NBAS: variants seen among roughly 807,000 people sequenced by gnomAD.
NBAS encodes NAG/BC035112 fusion.
In NBAS, 219 loss-of-function variants were observed where a neutral mutation model predicts 302.5. The ratio of observed to expected loss-of-function variants is 0.72; its 90% CI spans 0.65 to 0.81. The LOEUF (loss-of-function observed/expected upper bound fraction) is 0.81. NBAS is among the 30% of genes least tolerant of loss of function. The pLI, the probability that NBAS is intolerant of heterozygous loss-of-function variation, is 0.00. For synonymous variants in NBAS, 1,118 were observed against 1,021.6 expected, an observed-to-expected ratio of 1.09 and a Z score of -1.80; for missense variants, 2,932 against 2,841.6, an observed-to-expected ratio of 1.03 and a Z score of -0.72.
the NBAS span, among the ~76,000 whole-genome samples, chr2:15,015,099 G>C: frequency 7.0e-6 from 1 of 143,848 alleles, no homozygotes; most frequent in East Asian, 2.0e-4. Flanking sequence ...TAGAGAACTT[G>C]AAAAGATCAA....
the NBAS span, among the ~76,000 whole-genome samples, chr2:14,965,727 T>C: frequency 6.6e-6 from 1 of 151,934 alleles, no homozygotes. Context: ...CAGTATTTTC[T>C]AAAAGTATGA....
chr2:14,873,697 A>T, the NBAS span, among the ~76,000 whole-genome samples: 3 of 151,454 alleles, frequency 2.0e-5, no homozygotes, highest in Admixed American at 1.3e-4. Context: ...CAAAAAAAAA[A>T]AAAACCCACA....
At position 15,328,286 on chromosome 2, in the gene NBAS, T is replaced by G. The variant is rs1277963060; in HGVS notation, c.4374A>C (p.Gln1458His). Residue 1458 changes from glutamine (Q) to histidine (H), a missense_variant, in exon 37 of 52, where the codon CAA becomes CAC. Transcript: ENST00000281513. ...LQGQKCGGAYQIGTTANEDLE... is the reference protein window; with the variant it reads ...LQGQKCGGAYHIGTTANEDLE... ...GATCTTCATTGGCTGTAGTTCCGATTTGATATGCACCACCACATTTTTGCC... is the reference window on the plus strand; with the variant it reads ...GATCTTCATTGGCTGTAGTTCCGATGTGATATGCACCACCACATTTTTGCC... 2.5e-6 allele frequency: 4 copies of G among 1,613,952 alleles called. No individual in the cohort carries two copies. The East Asian group carries it at 8.9e-5, about 36-fold the overall frequency.
At chr2:14,816,069 C>T in the NBAS span, among the ~76,000 whole-genome samples, 1 of 152,182 alleles carries the variant, frequency 6.6e-6, no homozygotes, top group Non-Finnish European at 1.5e-5. Context: ...CAAAATGATT[C>T]TTCTAAAACT....
chr2:15,102,561 G>C, the NBAS span, among the ~76,000 whole-genome samples: 2 of 152,128 alleles, frequency 1.3e-5, no homozygotes, highest in African/African-American at 4.8e-5. Flanking sequence ...CTAAAGGCAG[G>C]CCTTTTATTC....
the NBAS span, among the ~76,000 whole-genome samples, chr2:14,948,254 C>CT: frequency 6.6e-6 from 1 of 151,940 alleles, no homozygotes; most frequent in Non-Finnish European, 1.5e-5. Context: ...TCTTTTCCAT[C>CT]TTTTTGTGGA....
At chr2:15,471,364 G>C (rs959720034) in intron 16 of NBAS, among the ~76,000 whole-genome samples, 1 of 152,098 alleles carries the variant, frequency 6.6e-6, no homozygotes, top group Non-Finnish European at 1.5e-5. Context: ...TTATCATCCT[G>C]TTTGGCTGAT....
the NBAS span, among the ~76,000 whole-genome samples, chr2:15,126,961 T>C: frequency 6.6e-6 from 1 of 152,170 alleles, no homozygotes; most frequent in African/African-American, 2.4e-5. Context: ...AACTGAGAAT[T>C]GACTGAGGTT....
intron 38 of NBAS, among the ~76,000 whole-genome samples, chr2:15,315,348 G>A (rs753282665): frequency 6.6e-6 from 1 of 152,156 alleles, no homozygotes; most frequent in Non-Finnish European, 1.5e-5. Context: ...GGAGTGTACG[G>A]GAGTGAACGG....
chr2:15,410,185 T>C (rs936025900), intron 25 of NBAS, among the ~76,000 whole-genome samples: 18 of 152,224 alleles, frequency 1.2e-4, no homozygotes, highest in African/African-American at 4.1e-4. Context: ...AGAAGTCTTA[T>C]TTCTTCTTTT....
chr2:15,408,530 A>C (rs1362279773), intron 25 of NBAS, among the ~76,000 whole-genome samples: 1 of 152,172 alleles, frequency 6.6e-6, no homozygotes, highest in African/African-American at 2.4e-5. Context: ...TTCTTCATGA[A>C]GTACATCCTT....
At chr2:15,135,557 G>T in the NBAS span, among the ~76,000 whole-genome samples, 3 of 152,146 alleles carry the variant, frequency 2.0e-5, no homozygotes, top group Non-Finnish European at 4.4e-5. Flanking sequence ...GGGTTGGTTG[G>T]GGTGAAGGTT....
intron 51 of NBAS, among the ~76,000 whole-genome samples, chr2:15,168,956 C>T (rs1050123806): frequency 2.0e-5 from 3 of 152,206 alleles, no homozygotes; most frequent in African/African-American, 4.8e-5. Context: ...ATGTCTGTCT[C>T]CCTTACCGAC....
intron 39 of NBAS, 26 bp from the exon 40 acceptor site, chr2:15,308,379 C>T: frequency 6.2e-7 from 1 of 1,612,312 alleles, no homozygotes; most frequent in Non-Finnish European, 8.5e-7. Flanking sequence ...TTAGAATTAA[C>T]TCAGCTGAAA....
intron 9 of NBAS, among the ~76,000 whole-genome samples, chr2:15,513,679 G>A (rs1283012503): frequency 1.3e-5 from 2 of 151,452 alleles, no homozygotes; most frequent in East Asian, 3.9e-4. Flanking sequence ...GATATGGAGA[G>A]CAGATCAATG....
At chr2:15,251,763 C>G (rs987562554) in intron 44 of NBAS, among the ~76,000 whole-genome samples, 1 of 152,170 alleles carries the variant, frequency 6.6e-6, no homozygotes, top group Admixed American at 6.5e-5. Flanking sequence ...TTTTAGCTGG[C>G]TTCTTTACTG....
At chr2:15,389,474 T>C (rs1430674896) in intron 28 of NBAS, among the ~76,000 whole-genome samples, 1 of 152,166 alleles carries the variant, frequency 6.6e-6, no homozygotes, top group Non-Finnish European at 1.5e-5. Flanking sequence ...AGTAAACATC[T>C]TTTTTATAAA....
chr2:15,204,277 G>T (rs1414924114), intron 48 of NBAS, among the ~76,000 whole-genome samples: 1 of 151,510 alleles, frequency 6.6e-6, no homozygotes, highest in African/African-American at 2.4e-5. Context: ...AATAGAAAAA[G>T]AAAAAGAAAA....
chr2:15,526,872 G>C (rs1271816403), intron 9 of NBAS, among the ~76,000 whole-genome samples: 1 of 152,050 alleles, frequency 6.6e-6, no homozygotes, highest in African/African-American at 2.4e-5. Flanking sequence ...AAAGTAATAA[G>C]TATAATCTGA....
Sources: gnomAD v4.1 joint callset for allele counts (sites outside exome capture counted in the v4.1 genomes callset) on GRCh38, gnomAD v4.1.1 for gene constraint, MANE v1.5 for transcripts, NCBI Gene and HGNC (gene_info 2026-07-23, HGNC 2026-07-21) for gene names.